Variants in ABHD12 observed in about 807,000 individuals in gnomAD.
The protein encoded by ABHD12 is abhydrolase domain containing 12, lysophospholipase.
ABHD12 carries 43 observed loss-of-function variants against 58.3 expected under a neutral mutation model. The ratio of observed to expected loss-of-function variants is 0.74; its 90% CI spans 0.58 to 0.95. The LOEUF (loss-of-function observed/expected upper bound fraction) is 0.95. Among genes scored for constraint, ABHD12 ranks in the 40% least tolerant of loss-of-function variants. The pLI is 0.00. For missense variants in ABHD12, 539 were observed against 537.2 expected, an observed-to-expected ratio of 1.00 and a Z score of -0.03; for synonymous variants, 219 against 211.2, an observed-to-expected ratio of 1.04 and a Z score of -0.32.
intron 2 of ABHD12, among the ~76,000 whole-genome samples, chr20:25,332,070 G>A (rs1288609956): frequency 6.6e-6 from 1 of 152,100 alleles, no homozygotes; most frequent in African/African-American, 2.4e-5. Flanking sequence ...CATCTCACGT[G>A]CAGAGACACA....
chr20:25,367,391 T>G (rs953145743), intron 1 of ABHD12, among the ~76,000 whole-genome samples: 1 of 152,226 alleles, frequency 6.6e-6, no homozygotes, highest in Non-Finnish European at 1.5e-5. Context: ...TAAGAAATTT[T>G]ACACATTTTT....
At chr20:25,329,742 C>T (rs990279688) in intron 2 of ABHD12, among the ~76,000 whole-genome samples, 1 of 152,090 alleles carries the variant, frequency 6.6e-6, no homozygotes, top group African/African-American at 2.4e-5. Flanking sequence ...ATACCGGCAG[C>T]CATAAGAGGT....
chr20:25,364,716 T>C (rs1423116883), intron 1 of ABHD12, among the ~76,000 whole-genome samples: 1 of 152,330 alleles, frequency 6.6e-6, no homozygotes, highest in East Asian at 1.9e-4. Context: ...AGATGACACA[T>C]AGAAATGCAA....
intron 4 of ABHD12, among the ~76,000 whole-genome samples, chr20:25,317,718 C>T (rs1263743659): frequency 6.6e-6 from 1 of 152,256 alleles, no homozygotes; most frequent in Non-Finnish European, 1.5e-5. Flanking sequence ...ACAGCTTCAC[C>T]GTGCATGTCG....
In ABHD12 at chr20:25,389,634, T is replaced by G. The variant is rs147027128; in HGVS notation, c.191+879A>C. Among the ~76,000 whole-genome samples the G allele has an allele frequency of 1.5e-3, 235 of 152,290 alleles. 6 individuals carry two copies. The East Asian group carries it at 0.04, about 26-fold the overall frequency. ...TGTCCCTATGAAACACGTTCCCATC[T>G]CAGTTTTGAAAGTGGCTTTATATAA... On this transcript the variant is annotated intron_variant, in intron 1 of 12. Coordinates refer to ENST00000339157, the MANE Select transcript of ABHD12 (RefSeq NM_001042472.3).
At chr20:25,308,192 C>A (rs1303519224) in intron 8 of ABHD12, 147 bp from the exon 9 acceptor site, 3 of 752,512 alleles carry the variant, frequency 4.0e-6, no homozygotes, top group Non-Finnish European at 6.9e-6. Context: ...CAGATAGCAC[C>A]AGGGGTGCCC....
chr20:25,380,388 G>T (rs2090008677), intron 1 of ABHD12, among the ~76,000 whole-genome samples: 1 of 152,140 alleles, frequency 6.6e-6, no homozygotes, highest in Non-Finnish European at 1.5e-5. Flanking sequence ...TGGGCTGCCT[G>T]AAGTTGTCCT....
At chr20:25,305,913 C>A (rs1431948099) in intron 10 of ABHD12, among the ~76,000 whole-genome samples, 2 of 152,074 alleles carry the variant, frequency 1.3e-5, no homozygotes, top group Non-Finnish European at 2.9e-5. Flanking sequence ...CGCCTGTAAT[C>A]CCAGCACTTT....
At position 25,381,561 on chromosome 20, in the gene ABHD12, T is replaced by C. The variant is rs563913674; in HGVS notation, c.191+8952A>G. Among the ~76,000 whole-genome samples, 10 of 151,688 alleles carry C rather than the reference T, an allele frequency of 6.6e-5. No individual in the cohort carries two copies. The East Asian group carries it at 1.9e-3, about 29-fold the overall frequency. Reference sequence around the variant, plus strand: ...CTGAGAAGCCAGACTCTTAATTGTTTGGGGCAGAAAAGGGTAGAAGAAAAT... The same window carrying C: ...CTGAGAAGCCAGACTCTTAATTGTTCGGGGCAGAAAAGGGTAGAAGAAAAT... On this transcript the variant is annotated intron_variant, in intron 1 of 12. Coordinates refer to ENST00000339157, the MANE Select transcript of ABHD12 (RefSeq NM_001042472.3).
At chr20:25,316,459 G>A (rs1036141343) in intron 5 of ABHD12, among the ~76,000 whole-genome samples, 6 of 151,052 alleles carry the variant, frequency 4.0e-5, no homozygotes, top group Non-Finnish European at 5.9e-5. Flanking sequence ...ACACCCAGCC[G>A]TCTCTTTTCA....
In ABHD12 at chr20:25,338,751, T is replaced by C. The variant is rs530210032; in HGVS notation, c.316+476A>G. 2.2e-4 allele frequency: 220 copies of C among 986,602 alleles called. 2 individuals are homozygous for C. The South Asian group carries it at 5.2e-3, about 23-fold the overall frequency. The allele number at this position is 986,602 out of a possible 1,614,324, so 61.1% of individuals were successfully genotyped here. ...TTAAAAAAGAAAAAAGGCCTCATTT[T>C]TTTTTAAAGGTACTATATTTTTCAG... On this transcript the variant is annotated intron_variant, in intron 2 of 12. Transcript: ENST00000339157.
At chr20:25,337,892 T>A (rs1244252967) in intron 2 of ABHD12, among the ~76,000 whole-genome samples, 2 of 152,214 alleles carry the variant, frequency 1.3e-5, no homozygotes, top group African/African-American at 2.4e-5. Flanking sequence ...AACTTAGAGA[T>A]GAAAAATTCC....
rs988264088 is a variant in ABHD12, at chr20:25,300,741, G to T, written c.*104C>A. 1 of 1,596,056 alleles carries T rather than the reference G, an allele frequency of 6.3e-7. No individual in the cohort carries two copies. Among genetic ancestry groups the T allele is most frequent in the East Asian group, 2.3e-5 (1 of 43,902 alleles). ...CTCCAGGTGCGAGCTGGGCTCCTGA[G>T]CATTGCAGGTGCCGGCCCCCCGGGG... is the stretch of plus-strand genomic sequence containing the variant. On this transcript the variant is annotated 3_prime_UTR_variant, in exon 13 of 13. Coordinates refer to ENST00000339157, the MANE Select transcript of ABHD12 (RefSeq NM_001042472.3).
intron 1 of ABHD12, among the ~76,000 whole-genome samples, chr20:25,347,488 A>C (rs527600030): frequency 6.6e-6 from 1 of 152,258 alleles, no homozygotes; most frequent in African/African-American, 2.4e-5. Flanking sequence ...CCCATAATAA[A>C]ATTTATTTTT....
intron 2 of ABHD12, among the ~76,000 whole-genome samples, chr20:25,326,431 C>A (rs1009743155): frequency 2.0e-5 from 3 of 152,120 alleles, no homozygotes; most frequent in Non-Finnish European, 4.4e-5. Context: ...TTCTAATAGG[C>A]CCAGGAGGCC....
At chr20:25,325,349 T>A (rs2089156981) in intron 2 of ABHD12, among the ~76,000 whole-genome samples, 2 of 151,908 alleles carry the variant, frequency 1.3e-5, no homozygotes. Context: ...GCCTGCCCTG[T>A]TATGGGCTGA....
intron 1 of ABHD12, among the ~76,000 whole-genome samples, chr20:25,353,725 A>G (rs1280416231): frequency 6.6e-6 from 1 of 152,164 alleles, no homozygotes; most frequent in African/African-American, 2.4e-5. Flanking sequence ...GGCATAGAGA[A>G]ATTAAAATTT....
intron 5 of ABHD12, among the ~76,000 whole-genome samples, chr20:25,316,787 C>G (rs1165347860): frequency 6.6e-6 from 1 of 152,222 alleles, no homozygotes; most frequent in Non-Finnish European, 1.5e-5. Flanking sequence ...CAAAAATTAG[C>G]TGGGCGTGGT....
chr20:25,323,607 G>T (rs1005878068), intron 2 of ABHD12, among the ~76,000 whole-genome samples, 177 bp from the exon 3 acceptor site: 1 of 152,210 alleles, frequency 6.6e-6, no homozygotes, highest in African/African-American at 2.4e-5. Flanking sequence ...TCCTTTTCCT[G>T]TGCAATCTTA....
Sources: gnomAD v4.1 joint callset for allele counts (sites outside exome capture counted in the v4.1 genomes callset) on GRCh38, gnomAD v4.1.1 for gene constraint, MANE v1.5 for transcripts, NCBI Gene and HGNC (gene_info 2026-07-23, HGNC 2026-07-21) for gene names.